Variants in EFNA5 observed in about 807,000 individuals in gnomAD.
EFNA5 encodes ephrin A5.
In EFNA5, 5 loss-of-function variants were observed where a neutral mutation model predicts 22.9. That is an observed-to-expected ratio of 0.22 (90% CI 0.11 to 0.46). The LOEUF is 0.46. Ranked by LOEUF, EFNA5 falls within the 20% of genes least tolerant of loss-of-function variation. The pLI, the probability that EFNA5 is intolerant of heterozygous loss-of-function variation, is 0.99. For missense variants in EFNA5, 237 were observed against 293.3 expected (o/e 0.81, Z 1.40); for synonymous variants, 113 against 112.2 (o/e 1.01, Z -0.04).
chr5:107,464,173 C>T (rs1462454104), intron 1 of EFNA5, among the ~76,000 whole-genome samples: 1 of 152,110 alleles, frequency 6.6e-6, no homozygotes, highest in African/African-American at 2.4e-5. Flanking sequence ...CCTCTGGAGT[C>T]TGGGCTGGCT....
intron 1 of EFNA5, among the ~76,000 whole-genome samples, chr5:107,437,142 G>A (rs1054489317): frequency 6.6e-6 from 1 of 151,948 alleles, no homozygotes; most frequent in African/African-American, 2.4e-5. Flanking sequence ...TAATTAATCT[G>A]TTAATTTATT....
At chr5:107,463,197 T>C (rs1749880976) in intron 1 of EFNA5, among the ~76,000 whole-genome samples, 1 of 152,134 alleles carries the variant, frequency 6.6e-6, no homozygotes, top group Non-Finnish European at 1.5e-5. Flanking sequence ...TTCAGTTTGA[T>C]CATTTTTCCA....
chr5:107,633,900 C>T (rs1750315175), intron 1 of EFNA5, among the ~76,000 whole-genome samples: 1 of 152,026 alleles, frequency 6.6e-6, no homozygotes, highest in African/African-American at 2.4e-5. Flanking sequence ...AGATCTAGCC[C>T]AGGAAGTGCA....
intron 1 of EFNA5, among the ~76,000 whole-genome samples, chr5:107,500,877 A>T (rs1747116955): frequency 6.6e-6 from 1 of 151,344 alleles, no homozygotes; most frequent in Non-Finnish European, 1.5e-5. Context: ...TCATTAAAAA[A>T]AAACAAAACA....
intron 1 of EFNA5, among the ~76,000 whole-genome samples, chr5:107,540,532 G>A (rs1175790922): frequency 1.3e-5 from 2 of 152,162 alleles, no homozygotes; most frequent in Admixed American, 6.6e-5. Flanking sequence ...TAATGTAATT[G>A]TATAATACAT....
intron 1 of EFNA5, among the ~76,000 whole-genome samples, chr5:107,435,709 G>A (rs1049069013): frequency 1.3e-4 from 20 of 152,126 alleles, no homozygotes; most frequent in African/African-American, 4.8e-4. Flanking sequence ...AGTATTCAAG[G>A]ATAAATTTCA....
intron 1 of EFNA5, among the ~76,000 whole-genome samples, chr5:107,640,962 A>AGGTG (rs1750487836): frequency 6.7e-6 from 1 of 149,036 alleles, no homozygotes; most frequent in Non-Finnish European, 1.5e-5. Flanking sequence ...CCTGGTAGGT[A>AGGTG]GGTAGGTAGG....
intron 1 of EFNA5, among the ~76,000 whole-genome samples, chr5:107,505,034 A>T (rs1747221452): frequency 6.6e-6 from 1 of 152,124 alleles, no homozygotes; most frequent in African/African-American, 2.4e-5. Flanking sequence ...GTTCTGAAAA[A>T]CTACTGTGAC....
intron 1 of EFNA5, among the ~76,000 whole-genome samples, chr5:107,574,087 G>A (rs945355379): frequency 2.6e-5 from 4 of 152,150 alleles, no homozygotes; most frequent in African/African-American, 9.7e-5. Flanking sequence ...CAGAATCTTA[G>A]GCTCACTACT....
At chr5:107,488,528 G>T (rs1414572786) in intron 1 of EFNA5, among the ~76,000 whole-genome samples, 1 of 152,146 alleles carries the variant, frequency 6.6e-6, no homozygotes, top group Non-Finnish European at 1.5e-5. Context: ...AACTCCAGCT[G>T]TCAGCAGGGA....
chr5:107,576,409 T>C (rs1748929220), intron 1 of EFNA5, among the ~76,000 whole-genome samples: 1 of 152,204 alleles, frequency 6.6e-6, no homozygotes, highest in East Asian at 1.9e-4. Flanking sequence ...TGTTTCCAAG[T>C]GATCATTTTT....
intron 1 of EFNA5, among the ~76,000 whole-genome samples, chr5:107,561,334 A>G (rs1218876091): frequency 6.6e-6 from 1 of 152,208 alleles, no homozygotes; most frequent in Non-Finnish European, 1.5e-5. Flanking sequence ...GAGCCATGTG[A>G]CAAGCACCTC....
chr5:107,530,179 T>A lies in EFNA5; in HGVS notation c.126-102670A>T, dbSNP rs144158077. Among the ~76,000 whole-genome samples the A allele has an allele frequency of 1.4e-4, 21 of 152,364 alleles. No individual in the cohort carries two copies. The East Asian group carries it at 4.0e-3, about 29-fold the overall frequency. ...TCTTGCTCACACTGTACATCCACTG[T>A]AAGTCAGCAAGGGGCTCTGCTCATT... On this transcript the variant is annotated intron_variant, in intron 1 of 4. Coordinates refer to ENST00000333274, the MANE Select transcript of EFNA5 (RefSeq NM_001962.3).
chr5:107,595,769 G>A (rs914410655), intron 1 of EFNA5, among the ~76,000 whole-genome samples: 1 of 152,160 alleles, frequency 6.6e-6, no homozygotes, highest in African/African-American at 2.4e-5. Context: ...CTAGCTGTGT[G>A]CCACATGCAA....
chr5:107,594,411 A>AG (rs1029035427), intron 1 of EFNA5, among the ~76,000 whole-genome samples: 2 of 152,128 alleles, frequency 1.3e-5, no homozygotes, highest in East Asian at 3.9e-4. Context: ...CTTCCAAGGC[A>AG]GGGGGCAGGA....
chr5:107,381,438 C>T (rs1334543413), intron 4 of EFNA5, 62 bp from the exon 5 acceptor site: 2 of 1,545,186 alleles, frequency 1.3e-6, no homozygotes, highest in Non-Finnish European at 1.8e-6. Flanking sequence ...TCTCTTGCAG[C>T]AGCCTGCTGT....
chr5:107,520,012 C>T (rs1218750897), intron 1 of EFNA5, among the ~76,000 whole-genome samples: 1 of 152,132 alleles, frequency 6.6e-6, no homozygotes, highest in Non-Finnish European at 1.5e-5. Context: ...GGGGAAACAG[C>T]CCTCCATTCA....
intron 1 of EFNA5, among the ~76,000 whole-genome samples, chr5:107,466,517 G>A (rs964724646): frequency 6.6e-6 from 1 of 152,074 alleles, no homozygotes; most frequent in African/African-American, 2.4e-5. Flanking sequence ...GATGTCACGG[G>A]GCCAAATCTG....
At chr5:107,545,789 T>C (rs1468895638) in intron 1 of EFNA5, among the ~76,000 whole-genome samples, 2 of 152,170 alleles carry the variant, frequency 1.3e-5, no homozygotes, top group African/African-American at 2.4e-5. Context: ...AACAGGCCTT[T>C]TGCACAGACC....
Sources: gnomAD v4.1 joint callset for allele counts (sites outside exome capture counted in the v4.1 genomes callset) on GRCh38, gnomAD v4.1.1 for gene constraint, MANE v1.5 for transcripts, NCBI Gene and HGNC (gene_info 2026-07-23, HGNC 2026-07-21) for gene names.